Variants in PP2D1 observed in about 807,000 individuals in gnomAD.
The protein encoded by PP2D1 is protein phosphatase 2C like domain containing 1.
PP2D1 carries 25 observed loss-of-function variants against 30.2 expected under a neutral mutation model. That is an observed-to-expected ratio of 0.83 (90% CI 0.60 to 1.16). The LOEUF (loss-of-function observed/expected upper bound fraction) is 1.16, where lower values mean the gene tolerates loss of function less well. PP2D1 is among the 50% of genes most tolerant of loss of function. The pLI is 0.00. For missense variants in PP2D1, 760 were observed against 742.4 expected, an observed-to-expected ratio of 1.02 and a Z score of -0.28; for synonymous variants, 260 against 258.9, an observed-to-expected ratio of 1.00 and a Z score of -0.04.
At chr3:19,991,890 G>A (rs969820506) in intron 2 of PP2D1, among the ~76,000 whole-genome samples, 1 of 152,140 alleles carries the variant, frequency 6.6e-6, no homozygotes, top group Non-Finnish European at 1.5e-5. Flanking sequence ...TAGAATTACA[G>A]GCTTAAGATA....
At chr3:19,988,461 C>T (rs749089038) in intron 2 of PP2D1, among the ~76,000 whole-genome samples, 7 of 152,110 alleles carry the variant, frequency 4.6e-5, no homozygotes, top group Admixed American at 2.0e-4. Flanking sequence ...GCTCTCAAAC[C>T]CTGTCTCCTG....
chr3:20,009,138 T>G (rs1485435151), intron 1 of PP2D1, among the ~76,000 whole-genome samples: 1 of 152,154 alleles, frequency 6.6e-6, no homozygotes, highest in Admixed American at 6.6e-5. Flanking sequence ...ATATCATCAC[T>G]TAGTTACAGC....
At chr3:19,983,619 A>G (rs990014526), downstream of PP2D1, 2 of 898,298 alleles carry the variant, frequency 2.2e-6, no homozygotes, top group African/African-American at 3.3e-5. Context: ...GGGGTAACCT[A>G]ACTGGAAAGA....
At chr3:19,991,580 A>G (rs1033275849) in intron 2 of PP2D1, among the ~76,000 whole-genome samples, 3 of 152,148 alleles carry the variant, frequency 2.0e-5, no homozygotes, top group Non-Finnish European at 4.4e-5. Context: ...TGGTGTAGAA[A>G]AACAGTATGG....
chr3:19,998,329 C>CA (rs566777177), intron 2 of PP2D1, among the ~76,000 whole-genome samples: 161 of 122,300 alleles, frequency 1.3e-3, no homozygotes, highest in Admixed American at 2.1e-3. Flanking sequence ...GACTCCGTCT[C>CA]AAAAAAAAAA....
intron 1 of PP2D1, among the ~76,000 whole-genome samples, chr3:20,005,711 TATG>T (rs1421179756): frequency 1.3e-5 from 2 of 152,056 alleles, no homozygotes; most frequent in African/African-American, 2.4e-5. Context: ...ATAATGACAA[TATG>T]ATAATAATAA....
At chr3:19,984,196 AT>A (rs1696988724), downstream of PP2D1, 1 of 422,498 alleles carries the variant, frequency 2.4e-6, no homozygotes, top group Non-Finnish European at 4.6e-6. Flanking sequence ...GAACTTACTA[AT>A]TTGGGCTTTT....
rs1319993726 is a variant in PP2D1, at chr3:20,001,468, A to G, written c.652T>C (p.Leu218=). 5.2e-6 allele frequency: 8 copies of G among 1,536,188 alleles called. No individual in the cohort carries two copies. The Admixed American group carries it at 7.9e-5, about 15-fold the overall frequency. The change falls in exon 2 of 3, where the codon TTG becomes CTG. Residue 218 remains leucine, a synonymous_variant. Transcript: ENST00000389050. ...AAAACTGGGAGTTCCATTGATGTCAACTCTGCCGCTGAGGCACCGTGATGT... is the reference window on the plus strand; with the variant it reads ...AAAACTGGGAGTTCCATTGATGTCAGCTCTGCCGCTGAGGCACCGTGATGT... ...DGHHGASAAE[L]TSMELPVLLL... is the part of the protein sequence containing the mutation.
intron 1 of PP2D1, among the ~76,000 whole-genome samples, chr3:20,009,891 G>A (rs928625467): frequency 2.0e-5 from 3 of 152,078 alleles, no homozygotes; most frequent in Non-Finnish European, 2.9e-5. Context: ...AAATGTCCAC[G>A]TTATAAATAC....
downstream of PP2D1, chr3:19,984,720 G>A (rs1374057861): frequency 6.5e-6 from 1 of 153,702 alleles, no homozygotes; most frequent in African/African-American, 2.4e-5. Context: ...CTGTAAATAG[G>A]GTACTGCATT....
chr3:19,983,978 T>G (rs1696982965), downstream of PP2D1: 6 of 597,160 alleles, frequency 1.0e-5, no homozygotes, highest in Non-Finnish European at 1.8e-5. Context: ...TGTTTTGAAC[T>G]TAATTTTTAA....
chr3:19,993,515 CA>C, intron 2 of PP2D1, among the ~76,000 whole-genome samples: 1 of 152,238 alleles, frequency 6.6e-6, no homozygotes, highest in South Asian at 2.1e-4. Context: ...GCAGGTGGAT[CA>C]CTTAAGGTCA....
At chr3:19,985,185 T>A (rs1044849911), downstream of PP2D1, 2 of 518,516 alleles carry the variant, frequency 3.9e-6, no homozygotes, top group Non-Finnish European at 6.6e-6. Context: ...AGTATCGGCT[T>A]TTCTCTTTTC....
At chr3:19,991,312 C>T (rs1697116746) in intron 2 of PP2D1, among the ~76,000 whole-genome samples, 1 of 152,192 alleles carries the variant, frequency 6.6e-6, no homozygotes, top group African/African-American at 2.4e-5. Context: ...GTCCAGTAAA[C>T]TTACAGAGTG....
downstream of PP2D1, chr3:19,983,676 A>C: frequency 2.8e-6 from 4 of 1,424,988 alleles, no homozygotes; most frequent in Non-Finnish European, 3.9e-6. Flanking sequence ...TGAGTATTCA[A>C]ATATTCTATT....
At chr3:19,994,623 A>C (rs1257428763) in intron 2 of PP2D1, among the ~76,000 whole-genome samples, 1 of 152,160 alleles carries the variant, frequency 6.6e-6, no homozygotes, top group Admixed American at 6.5e-5. Flanking sequence ...ATTCCCCTAA[A>C]CATATATTAT....
At chr3:19,986,260 G>T (rs1295562456) in intron 2 of PP2D1, 78 bp from the exon 3 acceptor site, 4 of 1,084,896 alleles carry the variant, frequency 3.7e-6, no homozygotes, top group Middle Eastern at 2.3e-4. Context: ...GCTAACTTTA[G>T]TAAATTCTGT....
At chr3:19,988,498 G>A (rs1697072584) in intron 2 of PP2D1, among the ~76,000 whole-genome samples, 1 of 152,120 alleles carries the variant, frequency 6.6e-6, no homozygotes, top group Non-Finnish European at 1.5e-5. Context: ...GACAATGCAT[G>A]CCCAAAACTT....
rs1486846974 is a variant in PP2D1, at chr3:20,002,058, G to A, written c.62C>T (p.Ser21Leu). The A allele has an allele frequency of 1.3e-6, 2 of 1,533,752 alleles. No homozygotes were observed. The highest frequency in any genetic ancestry group is 1.2e-5 in the South Asian group (1 of 84,034). Residue 21 changes from serine to leucine, a missense_variant, in exon 2 of 3, where the codon TCA becomes TTA. Coordinates refer to ENST00000389050, the MANE Select transcript of PP2D1 (RefSeq NM_001252657.2). Reference sequence around the variant, plus strand: ...AATATCCTCATCTGAATCAAATGTTGATGTTTTCATATTCCATTCTCTTGA... The same window carrying A: ...AATATCCTCATCTGAATCAAATGTTAATGTTTTCATATTCCATTCTCTTGA... ...WKSREWNMKT[S>L]TFDSDEDILL...
Sources: gnomAD v4.1 joint callset for allele counts (sites outside exome capture counted in the v4.1 genomes callset) on GRCh38, gnomAD v4.1.1 for gene constraint, MANE v1.5 for transcripts, NCBI Gene and HGNC (gene_info 2026-07-23, HGNC 2026-07-21) for gene names.